Variants in ITGA1 observed in about 807,000 individuals in gnomAD.
The protein encoded by ITGA1 is integrin subunit alpha 1.
In ITGA1, 85 loss-of-function variants were observed where a neutral mutation model predicts 145.9. The observed-to-expected ratio is 0.58, with a 90% CI of 0.49 to 0.70. The LOEUF is 0.70. Among genes scored for constraint, ITGA1 ranks in the 30% least tolerant of loss-of-function variants. The pLI, the probability that ITGA1 is intolerant of heterozygous loss-of-function variation, is 0.00. For missense variants in ITGA1, 1,351 were observed against 1,418.7 expected (o/e 0.95, Z 0.77); for synonymous variants, 520 against 495.3 (o/e 1.05, Z -0.66).
intron 17 of ITGA1, among the ~76,000 whole-genome samples, chr5:52,920,933 G>A (rs1304142761): frequency 2.0e-5 from 3 of 151,950 alleles, no homozygotes; most frequent in African/African-American, 4.8e-5. Context: ...ATTTTAGAGC[G>A]AAGGGGAAAA....
At chr5:52,825,719 A>G (rs1232084993) in intron 1 of ITGA1, among the ~76,000 whole-genome samples, 1 of 152,170 alleles carries the variant, frequency 6.6e-6, no homozygotes, top group African/African-American at 2.4e-5. Context: ...GGAGATCGAG[A>G]CCATTCTGGT....
At chr5:52,892,625 G>T (rs1019858600) in intron 8 of ITGA1, among the ~76,000 whole-genome samples, 4 of 152,120 alleles carry the variant, frequency 2.6e-5, no homozygotes, top group African/African-American at 7.2e-5. Flanking sequence ...GTAAATTGTG[G>T]TGCATCCATA....
At chr5:52,940,767 T>C (rs1751043547) in intron 26 of ITGA1, among the ~76,000 whole-genome samples, 1 of 152,226 alleles carries the variant, frequency 6.6e-6, no homozygotes, top group African/African-American at 2.4e-5. Context: ...TTTTATGTCA[T>C]TAACTGTTAA....
intron 1 of ITGA1, among the ~76,000 whole-genome samples, chr5:52,829,858 T>C (rs1749031504): frequency 6.6e-6 from 1 of 152,164 alleles, no homozygotes; most frequent in South Asian, 2.1e-4. Flanking sequence ...TTTGGTCATT[T>C]TGAACATTGT....
At chr5:52,845,598 T>G (rs2111744883) in intron 1 of ITGA1, among the ~76,000 whole-genome samples, 1 of 152,204 alleles carries the variant, frequency 6.6e-6, no homozygotes, top group South Asian at 2.1e-4. Context: ...TCAAGAGTGG[T>G]TTTCAACTGG....
rs766007503 is a variant in ITGA1, at chr5:52,801,795, C to T, written c.61+13381C>T. The T allele has an allele frequency of 4.0e-5, 64 of 1,613,214 alleles. 1 individual carries two copies. The South Asian group carries it at 6.6e-4, about 17-fold the overall frequency. On this transcript the variant is annotated intron_variant, in intron 1 of 28. Transcript: ENST00000282588. ...CTGCCATTCTCCGCTTCCCTGTTCC[C>T]GAACTTTCTGACCAAGAGGGTGATT...
At position 52,939,882 on chromosome 5, in the gene ITGA1, A is replaced by G. The variant is rs1561255374; in HGVS notation, c.3223A>G (p.Thr1075Ala). ...ATTTGCTACCATCACATGTAATCTC[A>G]CTTCTTCTGACATCAGCCAAGTCAA... ...CKFATITCNLTSSDISQVNVS... is the reference protein window; with the variant it reads ...CKFATITCNLASSDISQVNVS... The change falls in exon 26 of 29, where the codon ACT becomes GCT. Residue 1075 changes from threonine (T) to alanine (A), a missense_variant. Physicochemically the swap from Thr to Ala is moderately conservative, Grantham distance 58. Transcript: ENST00000282588. 6.2e-7 allele frequency: 1 copy of G among 1,612,704 alleles called. No individual in the cohort carries two copies. The highest frequency in any genetic ancestry group is 2.2e-5 in the East Asian group (1 of 44,832).
intron 9 of ITGA1, 88 bp downstream of exon 9, chr5:52,893,928 G>T (rs1004960943): frequency 4.9e-5 from 44 of 898,986 alleles, no homozygotes; most frequent in African/African-American, 8.8e-5. Context: ...TAATACATCA[G>T]TAATACTTTT....
chr5:52,842,641 G>A (rs1456467608), intron 1 of ITGA1, among the ~76,000 whole-genome samples: 1 of 149,608 alleles, frequency 6.7e-6, no homozygotes, highest in Non-Finnish European at 1.5e-5. Context: ...ATAAACTGAG[G>A]TTCATAGAGG....
chr5:52,839,445 G>A (rs1259730065), intron 1 of ITGA1, among the ~76,000 whole-genome samples: 13 of 152,040 alleles, frequency 8.6e-5, no homozygotes, highest in Admixed American at 8.5e-4. Flanking sequence ...GGCTCTTCTT[G>A]TACTATTTGA....
At chr5:52,828,417 A>G (rs2111716270) in intron 1 of ITGA1, among the ~76,000 whole-genome samples, 1 of 152,192 alleles carries the variant, frequency 6.6e-6, no homozygotes, top group Middle Eastern at 3.4e-3. Flanking sequence ...AATGCTGTTG[A>G]GCATCTTATT....
At chr5:52,950,188 C>T (rs538600901) in intron 28 of ITGA1, among the ~76,000 whole-genome samples, 2 of 152,172 alleles carry the variant, frequency 1.3e-5, no homozygotes, top group Admixed American at 6.5e-5. Flanking sequence ...TACCACATGC[C>T]GGGGGAGATG....
At chr5:52,821,910 GT>G (rs1487521541) in intron 1 of ITGA1, among the ~76,000 whole-genome samples, 4 of 152,184 alleles carry the variant, frequency 2.6e-5, no homozygotes, top group Non-Finnish European at 4.4e-5. Context: ...CCCCAACTCT[GT>G]TTTTATCATA....
intron 8 of ITGA1, among the ~76,000 whole-genome samples, chr5:52,888,841 G>A (rs1750097328): frequency 6.6e-6 from 1 of 152,190 alleles, no homozygotes; most frequent in African/African-American, 2.4e-5. Context: ...CCAGTGACTT[G>A]GGTGGTCCCA....
At chr5:52,899,012 G>A (rs1750274317) in intron 11 of ITGA1, among the ~76,000 whole-genome samples, 1 of 152,100 alleles carries the variant, frequency 6.6e-6, no homozygotes, top group South Asian at 2.1e-4. Flanking sequence ...GGGGATGCCA[G>A]GGAACTCTCC....
intron 1 of ITGA1, among the ~76,000 whole-genome samples, chr5:52,790,516 C>A (rs1228937179): frequency 6.6e-6 from 1 of 152,202 alleles, no homozygotes; most frequent in South Asian, 2.1e-4. Context: ...AAATCAGTTT[C>A]CCTGTTTTCA....
At chr5:52,835,402 G>A (rs1418578571) in intron 1 of ITGA1, among the ~76,000 whole-genome samples, 1 of 152,146 alleles carries the variant, frequency 6.6e-6, no homozygotes, top group Non-Finnish European at 1.5e-5. Context: ...TATCAACGGG[G>A]GAGTTGGGGA....
intron 1 of ITGA1, among the ~76,000 whole-genome samples, chr5:52,836,747 C>T (rs1379699798): frequency 6.6e-6 from 1 of 152,076 alleles, no homozygotes; most frequent in Non-Finnish European, 1.5e-5. Context: ...CAATCAAGCT[C>T]TTCTATTTTG....
chr5:52,957,407 T>C lies in ITGA1; in HGVS notation c.*4956T>C, dbSNP rs1369934212. 6 of 152,242 alleles carry C rather than the reference T, an allele frequency of 3.9e-5. No homozygotes were observed. The highest frequency in any genetic ancestry group is 7.3e-5 in the Non-Finnish European group (5 of 68,060). The allele number at this position is 152,242 out of a possible 1,614,324, so 9.4% of individuals were successfully genotyped here. A position where few individuals can be genotyped will look rare whatever the true frequency, so the allele number is the denominator to read the frequency against. On this transcript the variant is annotated 3_prime_UTR_variant, in exon 29 of 29. Coordinates refer to ENST00000282588, the MANE Select transcript of ITGA1 (RefSeq NM_181501.2). Reference sequence around the variant, plus strand: ...CCAAAAAATATGTAAGGGTGACTCATCACTCCTAACTTTGGACTCCTTGCT... The same window carrying C: ...CCAAAAAATATGTAAGGGTGACTCACCACTCCTAACTTTGGACTCCTTGCT...
Sources: gnomAD v4.1 joint callset for allele counts (sites outside exome capture counted in the v4.1 genomes callset) on GRCh38, gnomAD v4.1.1 for gene constraint, MANE v1.5 for transcripts, NCBI Gene and HGNC (gene_info 2026-07-23, HGNC 2026-07-21) for gene names.